FHIT: variants seen among roughly 807,000 people sequenced by gnomAD.
FHIT encodes the protein fragile histidine triad diadenosine triphosphatase.
FHIT carries 19 observed loss-of-function variants against 17.9 expected under a neutral mutation model. That is an observed-to-expected ratio of 1.06 (90% CI 0.74 to 1.56). The LOEUF (loss-of-function observed/expected upper bound fraction) is 1.56, where lower values mean the gene tolerates loss of function less well. Among genes scored for constraint, FHIT ranks in the 40% most tolerant of loss-of-function variants. The pLI is 0.00. For synonymous variants in FHIT, 81 were observed against 69.7 expected (o/e 1.16, Z -0.81); for missense variants, 248 against 189.2 (o/e 1.31, Z -1.82).
intron 4 of FHIT, among the ~76,000 whole-genome samples, chr3:60,733,365 T>C (rs1043564874): frequency 7.2e-5 from 11 of 152,252 alleles, no homozygotes; most frequent in Non-Finnish European, 1.5e-4. Context: ...TTGAAATCTT[T>C]TATTGTTCCA....
intron 7 of FHIT, among the ~76,000 whole-genome samples, chr3:59,956,948 T>C (rs1220400767): frequency 6.6e-6 from 1 of 152,204 alleles, no homozygotes; most frequent in Non-Finnish European, 1.5e-5. Context: ...CTAGTACTAA[T>C]CTAAATTGGT....
intron 5 of FHIT, among the ~76,000 whole-genome samples, chr3:60,041,363 T>G (rs1238771054): frequency 6.6e-6 from 1 of 152,228 alleles, no homozygotes; most frequent in Non-Finnish European, 1.5e-5. Context: ...TATGTTTTTT[T>G]CTTGAGCCAA....
At chr3:59,845,113 T>C (rs1230051331) in intron 8 of FHIT, among the ~76,000 whole-genome samples, 1 of 152,170 alleles carries the variant, frequency 6.6e-6, no homozygotes, top group African/African-American at 2.4e-5. Flanking sequence ...ATTTTATTTC[T>C]GTAGACTTGA....
Position 59,788,881 on chromosome 3 carries a change from G to GTTTTTTTTTTTT in FHIT, c.349-36572_349-36561dup, listed in dbSNP as rs60361063. ...ACCACGTTCTTTGCTGAGTTCATAT[G>GTTTTTTTTTTTT]TTTTTTTTTTTTACCCCATCTCCAA... On this transcript the variant is annotated intron_variant, in intron 8 of 9. Transcript: ENST00000492590. Among the ~76,000 whole-genome samples, 712 of 86,818 alleles carry GTTTTTTTTTTTT rather than the reference G, an allele frequency of 8.2e-3. 143 individuals are homozygous for GTTTTTTTTTTTT. Among genetic ancestry groups the GTTTTTTTTTTTT allele is most frequent in the African/African-American group, 0.027 (586 of 21,842 alleles). 57.0% of individuals were successfully genotyped at this position (86,818 alleles called of 152,430 possible).
At chr3:61,203,887 T>C (rs1332632006) in intron 1 of FHIT, among the ~76,000 whole-genome samples, 1 of 152,232 alleles carries the variant, frequency 6.6e-6, no homozygotes, top group Non-Finnish European at 1.5e-5. Flanking sequence ...CACAGAGATT[T>C]GTACAATGTT....
chr3:59,836,212 T>G (rs948671581), intron 8 of FHIT, among the ~76,000 whole-genome samples: 1 of 151,980 alleles, frequency 6.6e-6, no homozygotes, highest in Non-Finnish European at 1.5e-5. Flanking sequence ...AGAAGATGAG[T>G]AGATATTCTG....
intron 8 of FHIT, among the ~76,000 whole-genome samples, chr3:59,783,225 C>G (rs1702677818): frequency 2.0e-5 from 3 of 152,178 alleles, no homozygotes; most frequent in African/African-American, 4.8e-5. Context: ...AATCCCAGCA[C>G]TTTGGGAGGC....
At chr3:60,569,242 A>G (rs999262479) in intron 4 of FHIT, among the ~76,000 whole-genome samples, 1 of 152,134 alleles carries the variant, frequency 6.6e-6, no homozygotes, top group African/African-American at 2.4e-5. Flanking sequence ...TTGGTTTTGA[A>G]TTTATAACTT....
At chr3:60,737,411 T>G (rs1384767337) in intron 4 of FHIT, among the ~76,000 whole-genome samples, 1 of 152,228 alleles carries the variant, frequency 6.6e-6, no homozygotes, top group East Asian at 1.9e-4. Context: ...TATCTGAATT[T>G]TATATTGTGA....
chr3:60,500,599 A>G (rs907655133), intron 5 of FHIT, among the ~76,000 whole-genome samples: 4 of 148,742 alleles, frequency 2.7e-5, no homozygotes, highest in Non-Finnish European at 3.0e-5. Context: ...GTAAAACCCC[A>G]TCTCTACTAA....
In FHIT at chr3:60,156,609, G is replaced by A. The variant is rs147872612; in HGVS notation, c.104-142457C>T. On this transcript the variant is annotated intron_variant, in intron 5 of 9. Coordinates refer to ENST00000492590, the MANE Select transcript of FHIT (RefSeq NM_002012.4). ...ATAAAAATTTTTTTTTAAATTAGCC[G>A]GCCATAATGGTGAGCACCTGTAGTC... Among the ~76,000 whole-genome samples the A allele has an allele frequency of 2.8e-3, 426 of 151,598 alleles. 4 individuals are homozygous for A. Among genetic ancestry groups the A allele is most frequent in the Admixed American group, 0.022 (329 of 15,228 alleles).
intron 5 of FHIT, among the ~76,000 whole-genome samples, chr3:60,192,789 C>T (rs1702465366): frequency 2.0e-5 from 3 of 152,196 alleles, no homozygotes; most frequent in African/African-American, 4.8e-5. Flanking sequence ...GAACTGATAA[C>T]TACAGGCTGC....
intron 4 of FHIT, among the ~76,000 whole-genome samples, chr3:60,695,420 T>C (rs1307426026): frequency 6.6e-6 from 1 of 152,230 alleles, no homozygotes; most frequent in East Asian, 1.9e-4. Context: ...AAAAGAAATA[T>C]ATAAATGTTT....
At chr3:60,058,012 T>C (rs1480541638) in intron 5 of FHIT, among the ~76,000 whole-genome samples, 1 of 151,358 alleles carries the variant, frequency 6.6e-6, no homozygotes, top group East Asian at 2.0e-4. Context: ...TTCTGTGAGG[T>C]ACCTAGAATA....
At chr3:60,048,067 T>G (rs1701722737) in intron 5 of FHIT, among the ~76,000 whole-genome samples, 2 of 152,252 alleles carry the variant, frequency 1.3e-5, no homozygotes, top group African/African-American at 4.8e-5. Flanking sequence ...CTTCACCGTG[T>G]GTGCACCTTC....
chr3:60,974,718 G>A (rs537147522), intron 3 of FHIT, among the ~76,000 whole-genome samples: 12 of 152,256 alleles, frequency 7.9e-5, no homozygotes, highest in South Asian at 6.2e-4. Flanking sequence ...CTGAAAAGAC[G>A]CAGTAGCATT....
chr3:60,473,048 T>A (rs1168116204), intron 5 of FHIT, among the ~76,000 whole-genome samples: 2 of 152,122 alleles, frequency 1.3e-5, no homozygotes, highest in African/African-American at 4.8e-5. Context: ...CCAGAGTTGA[T>A]CCTTTGCTTT....
intron 3 of FHIT, among the ~76,000 whole-genome samples, chr3:61,014,832 A>T (rs1327326732): frequency 7.1e-6 from 1 of 140,552 alleles, no homozygotes; most frequent in East Asian, 2.0e-4. Flanking sequence ...ATATGTATAC[A>T]CATCCTTATA....
chr3:60,008,444 T>C (rs891596084), intron 7 of FHIT, among the ~76,000 whole-genome samples: 3 of 152,138 alleles, frequency 2.0e-5, no homozygotes, highest in Non-Finnish European at 2.9e-5. Flanking sequence ...GCCACGCTTG[T>C]TCTTTGCAAA....
Sources: allele counts gnomAD v4.1 joint callset (sites outside exome capture counted in the v4.1 genomes callset), GRCh38; gene constraint gnomAD v4.1.1; transcripts MANE v1.5; gene names NCBI Gene and HGNC (gene_info 2026-07-23, HGNC 2026-07-21).